Variants in ARL15 observed in about 807,000 individuals in gnomAD.
The protein encoded by ARL15 is ADP-ribosylation factor-like protein 15.
A neutral mutation model predicts 25.2 loss-of-function variants in ARL15; 19 were observed. The observed-to-expected ratio is 0.75, with a 90% confidence interval of 0.53 to 1.10. The LOEUF (loss-of-function observed/expected upper bound fraction) is 1.10. Ranked by LOEUF, ARL15 falls within the 50% of genes least tolerant of loss-of-function variation. The probability of loss-of-function intolerance (pLI) is 0.00; values close to 1 mark genes in which losing one functional copy is unlikely to be tolerated. For synonymous variants in ARL15, 94 were observed against 86.8 expected, an observed-to-expected ratio of 1.08 and a Z score of -0.46; for missense variants, 220 against 246.0, an observed-to-expected ratio of 0.89 and a Z score of 0.71.
intron 1 of ARL15, among the ~76,000 whole-genome samples, chr5:54,223,701 C>G (rs901934118): frequency 6.6e-6 from 1 of 152,168 alleles, no homozygotes; most frequent in Non-Finnish European, 1.5e-5. Context: ...TGACTAAGAA[C>G]TTACTATGTA....
chr5:54,071,979 G>GAA (rs71989027), intron 4 of ARL15, among the ~76,000 whole-genome samples: 1 of 126,174 alleles, frequency 7.9e-6, no homozygotes, highest in African/African-American at 3.1e-5. Flanking sequence ...CTCAAAAAAA[G>GAA]AAAAAAAAAA....
intron 4 of ARL15, among the ~76,000 whole-genome samples, chr5:53,954,502 A>G (rs111768777): frequency 2.7e-4 from 41 of 152,284 alleles, no homozygotes; most frequent in African/African-American, 8.7e-4. Flanking sequence ...CTTGAACATC[A>G]TGTCCCTGCG....
intron 4 of ARL15, among the ~76,000 whole-genome samples, chr5:53,943,043 G>C (rs1329360845): frequency 1.3e-5 from 2 of 152,100 alleles, no homozygotes; most frequent in South Asian, 2.1e-4. Context: ...GTTCTCTCTA[G>C]GAGCTTCACG....
intron 4 of ARL15, among the ~76,000 whole-genome samples, chr5:54,069,581 A>C (rs10067481): frequency 0.053 from 6,946 of 130,568 alleles, 890 homozygotes; most frequent in African/African-American, 0.18. Flanking sequence ...AAAAAAAAAA[A>C]AAACCACGAA....
chr5:54,171,964 T>C (rs1363128106), intron 1 of ARL15, 36 bp from the exon 2 acceptor site: 4 of 1,599,464 alleles, frequency 2.5e-6, no homozygotes, highest in Admixed American at 1.7e-5. Context: ...TTCCTTTAAA[T>C]GACAGTATGG....
chr5:54,240,978 T>C (rs1007462090), intron 1 of ARL15, among the ~76,000 whole-genome samples: 1 of 152,204 alleles, frequency 6.6e-6, no homozygotes, highest in Non-Finnish European at 1.5e-5. Flanking sequence ...TGGTACTAGT[T>C]AGATATGGTA....
intron 4 of ARL15, among the ~76,000 whole-genome samples, chr5:54,015,781 T>G (rs560695700): frequency 6.6e-6 from 1 of 152,154 alleles, no homozygotes; most frequent in African/African-American, 2.4e-5. Flanking sequence ...GAGACCAGAA[T>G]GTGCAACCCC....
intron 3 of ARL15, among the ~76,000 whole-genome samples, chr5:54,134,175 C>G (rs1753524610): frequency 6.6e-6 from 1 of 152,172 alleles, no homozygotes; most frequent in African/African-American, 2.4e-5. Context: ...TCATTGTGAA[C>G]CACCATGGGT....
intron 4 of ARL15, among the ~76,000 whole-genome samples, chr5:54,098,440 G>T (rs1381750574): frequency 1.3e-5 from 2 of 152,030 alleles, no homozygotes; most frequent in African/African-American, 4.8e-5. Flanking sequence ...CACACAAAAT[G>T]GCCACTGTAA....
chr5:54,079,986 C>G (rs933016886), intron 4 of ARL15, among the ~76,000 whole-genome samples: 116 of 131,912 alleles, frequency 8.8e-4, no homozygotes, highest in African/African-American at 3.5e-3. Context: ...CACACACACA[C>G]ACACACACAC....
chr5:54,258,435 A>G (rs1246449472), intron 1 of ARL15, among the ~76,000 whole-genome samples: 1 of 152,120 alleles, frequency 6.6e-6, no homozygotes, highest in African/African-American at 2.4e-5. Flanking sequence ...TTTTTAGGGG[A>G]TCTGAGGCAA....
intron 4 of ARL15, among the ~76,000 whole-genome samples, chr5:53,995,175 G>A (rs986789348): frequency 2.0e-5 from 3 of 152,008 alleles, no homozygotes; most frequent in Admixed American, 6.6e-5. Context: ...TGGGCATGGT[G>A]GTGGGTGACT....
At chr5:54,098,956 G>A (rs988343497) in intron 4 of ARL15, among the ~76,000 whole-genome samples, 1 of 152,100 alleles carries the variant, frequency 6.6e-6, no homozygotes, top group Non-Finnish European at 1.5e-5. Context: ...GAGTTGGTGC[G>A]ACATACACTT....
intron 1 of ARL15, among the ~76,000 whole-genome samples, chr5:54,208,623 G>A (rs965321740): frequency 6.6e-6 from 1 of 152,128 alleles, no homozygotes; most frequent in African/African-American, 2.4e-5. Flanking sequence ...AAACTATGAT[G>A]GACAATTATT....
At chr5:54,068,240 G>A (rs1049935104) in intron 4 of ARL15, among the ~76,000 whole-genome samples, 1 of 152,162 alleles carries the variant, frequency 6.6e-6, no homozygotes, top group Non-Finnish European at 1.5e-5. Flanking sequence ...TGAGAAGACT[G>A]TGAATTAAGA....
chr5:53,970,805 A>G (rs1462370770), intron 4 of ARL15, among the ~76,000 whole-genome samples: 1 of 152,268 alleles, frequency 6.6e-6, no homozygotes, highest in African/African-American at 2.4e-5. Context: ...CAGACAAAAC[A>G]GACAAGGGAT....
intron 4 of ARL15, among the ~76,000 whole-genome samples, chr5:54,007,613 C>T (rs900077445): frequency 2.0e-5 from 3 of 152,078 alleles, no homozygotes; most frequent in Non-Finnish European, 4.4e-5. Flanking sequence ...TCGAGACCAG[C>T]CTGGGCAAGG....
At chr5:54,295,938 G>C (rs1758455319) in intron 1 of ARL15, among the ~76,000 whole-genome samples, 1 of 152,210 alleles carries the variant, frequency 6.6e-6, no homozygotes, top group Non-Finnish European at 1.5e-5. Context: ...AATGAAATAG[G>C]AACTGAAGGC....
chr5:53,924,129 T>A (rs190505749), intron 4 of ARL15, among the ~76,000 whole-genome samples: 3 of 152,308 alleles, frequency 2.0e-5, no homozygotes, highest in Non-Finnish European at 4.4e-5. Context: ...TGACATTGTG[T>A]CAGATTTCCG....
Sources: allele counts gnomAD v4.1 joint callset (sites outside exome capture counted in the v4.1 genomes callset), GRCh38; gene constraint gnomAD v4.1.1; transcripts MANE v1.5; gene names NCBI Gene and HGNC (gene_info 2026-07-23, HGNC 2026-07-21).